Variants in TSPEAR observed in about 807,000 individuals in gnomAD.
TSPEAR encodes thrombospondin-type laminin G domain and EAR repeat-containing protein.
A neutral mutation model predicts 71.6 loss-of-function variants in TSPEAR; 69 were observed. That is an observed-to-expected ratio of 0.96 (90% CI 0.79 to 1.18). The LOEUF (loss-of-function observed/expected upper bound fraction) is 1.18, where lower values mean the gene tolerates loss of function less well. TSPEAR is among the 50% of genes most tolerant of loss of function. The pLI is 0.00. For missense variants in TSPEAR, 971 were observed against 894.9 expected (o/e 1.09, Z -1.09); for synonymous variants, 402 against 387.2 (o/e 1.04, Z -0.45).
intron 1 of TSPEAR, among the ~76,000 whole-genome samples, chr21:44,591,009 A>C (rs1979767700): frequency 6.6e-6 from 1 of 152,084 alleles, no homozygotes; most frequent in African/African-American, 2.4e-5. Flanking sequence ...GGGTGGAGCC[A>C]GGCCTGCTGG....
At chr21:44,669,991 G>A (rs1456883372) in intron 1 of TSPEAR, among the ~76,000 whole-genome samples, 1 of 152,144 alleles carries the variant, frequency 6.6e-6, no homozygotes, top group Non-Finnish European at 1.5e-5. Context: ...GAAATGCAGA[G>A]GACCCTTAGC....
intron 9 of TSPEAR, chr21:44,509,873 A>G (rs587657248): frequency 9.3e-4 from 158 of 170,362 alleles, no homozygotes; most frequent in Non-Finnish European, 1.4e-3. Context: ...CACCTCTTCC[A>G]GGAAGCCCAC....
At chr21:44,698,215 T>C (rs1039874646) in intron 1 of TSPEAR, among the ~76,000 whole-genome samples, 1 of 152,102 alleles carries the variant, frequency 6.6e-6, no homozygotes, top group Non-Finnish European at 1.5e-5. Flanking sequence ...CTGCTGTGCC[T>C]CCTCTGGCCA....
At chr21:44,561,616 G>A (rs782219504) in intron 2 of TSPEAR, among the ~76,000 whole-genome samples, 27 of 152,174 alleles carry the variant, frequency 1.8e-4, no homozygotes, top group Admixed American at 2.0e-4. Flanking sequence ...GCAGCATATC[G>A]AAAAGCTTAT....
chr21:44,671,175 C>G (rs1013918529), intron 1 of TSPEAR, among the ~76,000 whole-genome samples: 1 of 152,250 alleles, frequency 6.6e-6, no homozygotes, highest in Non-Finnish European at 1.5e-5. Context: ...CGCTCACTTG[C>G]ATGTGCCACC....
At chr21:44,653,835 C>T (rs1269810274) in intron 1 of TSPEAR, among the ~76,000 whole-genome samples, 8 of 152,170 alleles carry the variant, frequency 5.3e-5, no homozygotes, top group Non-Finnish European at 8.8e-5. Flanking sequence ...CCCACTAGCC[C>T]GAGAGGGTGC....
At chr21:44,551,280 G>A (rs587750879) in intron 2 of TSPEAR, 17 of 1,613,438 alleles carry the variant, frequency 1.1e-5, no homozygotes, top group South Asian at 9.9e-5. Context: ...CTCACAGGCC[G>A]CCTGGCAGCA....
chr21:44,646,124 CAAAAAAAAAAAA>C (rs55672014), intron 1 of TSPEAR, among the ~76,000 whole-genome samples: 36 of 31,236 alleles, frequency 1.2e-3, no homozygotes, highest in African/African-American at 3.0e-3. Flanking sequence ...GACTCCCTCT[CAAAAAAAAAAAA>C]AAAAAAAAAA....
At chr21:44,705,639 C>T (rs1210924285) in intron 1 of TSPEAR, among the ~76,000 whole-genome samples, 2 of 152,146 alleles carry the variant, frequency 1.3e-5, no homozygotes, top group Non-Finnish European at 2.9e-5. Context: ...TCTCCCATAG[C>T]ACTCCCAGGC....
intron 1 of TSPEAR, chr21:44,637,944 C>T (rs782210040): frequency 1.2e-6 from 2 of 1,613,020 alleles, no homozygotes; most frequent in South Asian, 1.1e-5. Flanking sequence ...AGCTGCCAGC[C>T]TGCTTGCTGC....
intron 11 of TSPEAR, among the ~76,000 whole-genome samples, chr21:44,503,132 A>G (rs1305230467): frequency 5.6e-5 from 8 of 142,124 alleles, no homozygotes; most frequent in African/African-American, 1.9e-4. Context: ...CTCGGGGGGA[A>G]GCAAGGCTCT....
At chr21:44,525,616 TGGTTGCCTCCC>T in intron 8 of TSPEAR, 26 bp downstream of exon 8, 1 of 1,604,274 alleles carries the variant, frequency 6.2e-7, no homozygotes, top group Non-Finnish European at 8.5e-7. Flanking sequence ...GCCCCTGGAA[TGGTTGCCTCCC>T]GGTGTGAAGG....
intron 1 of TSPEAR, among the ~76,000 whole-genome samples, chr21:44,663,566 A>G (rs1985605316): frequency 6.6e-6 from 1 of 152,140 alleles, no homozygotes; most frequent in African/African-American, 2.4e-5. Context: ...CTCTTCCAGA[A>G]AATAGAAGGA....
intron 1 of TSPEAR, among the ~76,000 whole-genome samples, chr21:44,570,088 G>A (rs191878672): frequency 1.9e-4 from 29 of 152,228 alleles, no homozygotes; most frequent in African/African-American, 6.5e-4. Flanking sequence ...GCTTGAGCAC[G>A]ACCAGGGGCC....
rs782003448 is a variant in TSPEAR, at chr21:44,612,642, C to G, written c.83-44637G>C. ...CCCATCTGCTGTGTGCCTGTCTGCT[C>G]TGGGGCTTCCTCTCTGTGCTGCCAG... On this transcript the variant is annotated intron_variant, in intron 1 of 11. Coordinates refer to ENST00000323084, the MANE Select transcript of TSPEAR (RefSeq NM_144991.3). This position sits in a 1 kb window ranked among gnomAD's most constrained non-coding sequence, Gnocchi z 4.1. The G allele has an allele frequency of 6.2e-7, 1 of 1,613,976 alleles. No individual in the cohort carries two copies. The highest frequency in any genetic ancestry group is 1.1e-5 in the South Asian group (1 of 91,062).
At chr21:44,601,868 T>G in intron 1 of TSPEAR, 1 of 1,231,868 alleles carries the variant, frequency 8.1e-7, no homozygotes. Flanking sequence ...GGCCATCCAG[T>G]GTGCGCTTCT....
At chr21:44,692,459 C>A (rs1987160804) in intron 1 of TSPEAR, among the ~76,000 whole-genome samples, 1 of 152,028 alleles carries the variant, frequency 6.6e-6, no homozygotes, top group Non-Finnish European at 1.5e-5. Context: ...TATAGAAAAT[C>A]CCAAAGAATC....
At chr21:44,537,961 G>A (rs1447401674) in intron 2 of TSPEAR, among the ~76,000 whole-genome samples, 3 of 152,212 alleles carry the variant, frequency 2.0e-5, no homozygotes, top group Non-Finnish European at 4.4e-5. Flanking sequence ...CCGGGGTCAC[G>A]CGGGGTCCCC....
rs782594027 is a variant in TSPEAR at position 44,627,834 on chromosome 21, C to T, written c.83-59829G>A. The T allele has an allele frequency of 2.5e-6, 4 of 1,613,970 alleles. No individual in the cohort carries two copies. The South Asian group carries it at 3.3e-5, about 13-fold the overall frequency. On this transcript the variant is annotated intron_variant, in intron 1 of 11. Coordinates refer to ENST00000323084, the MANE Select transcript of TSPEAR (RefSeq NM_144991.3). Reference sequence around the variant, plus strand: ...CTGGCTGCCAGCCGGCTTGCTGCACCACCTCCTGCTGCAGACCCTCCTCCT... The same window carrying T: ...CTGGCTGCCAGCCGGCTTGCTGCACTACCTCCTGCTGCAGACCCTCCTCCT...
Sources: gnomAD v4.1 joint callset for allele counts (sites outside exome capture counted in the v4.1 genomes callset) on GRCh38, gnomAD v4.1.1 for gene constraint, Gnocchi (gnomAD v3.1) non-coding constraint, MANE v1.5 for transcripts, NCBI Gene and HGNC (gene_info 2026-07-23, HGNC 2026-07-21) for gene names.